The following PCDHB13 variants were observed in gnomAD, a reference collection of about 807,000 sequenced individuals.
PCDHB13 encodes the protein protocadherin beta 13.
For synonymous variants in PCDHB13, 515 were observed against 450.7 expected (o/e 1.14, Z -1.81); for missense variants, 1,065 against 1,016.7 (o/e 1.05, Z -0.65).
Position 141,215,347 on chromosome 5 carries a change from A to G in PCDHB13, c.1224A>G (p.Pro408=), listed in dbSNP as rs1449728658. 4 of 1,614,142 alleles carry G rather than the reference A, an allele frequency of 2.5e-6. No individual in the cohort carries two copies. In the South Asian group the frequency reaches 3.3e-5, roughly 13 times the overall value. ...TTTACACCCTACTAACGGAGAGACCACTAGACAGAGAAAGCAGAGCGGAAT... is the reference window on the plus strand; with the variant it reads ...TTTACACCCTACTAACGGAGAGACCGCTAGACAGAGAAAGCAGAGCGGAAT... ...ENFYTLLTER[P]LDRESRAEYN... The change falls in exon 1 of 1, where the codon CCA becomes CCG. Residue 408 remains proline (P), a synonymous_variant. Transcript: ENST00000341948.
chr5:141,215,064 A>C lies in PCDHB13; in HGVS notation c.941A>C (p.Gln314Pro). 1 of 1,614,210 alleles carries C rather than the reference A, an allele frequency of 6.2e-7. No homozygotes were observed. The highest frequency in any genetic ancestry group is 8.5e-7 in the Non-Finnish European group (1 of 1,180,026). ...LKKQLDFEKL[Q>P]SYEVNIEARD... Reference sequence around the variant, plus strand: ...AAACAACTCGATTTCGAAAAACTTCAGTCCTATGAAGTCAATATTGAGGCA... The same window carrying C: ...AAACAACTCGATTTCGAAAAACTTCCGTCCTATGAAGTCAATATTGAGGCA... Residue 314 changes from glutamine (Q) to proline (P), a missense_variant, in exon 1 of 1, where the codon CAG (glutamine) becomes CCG (proline). Coordinates refer to ENST00000341948, the MANE Select transcript of PCDHB13 (RefSeq NM_018933.4).
rs782659681 is a variant in PCDHB13 at position 141,215,375 on chromosome 5, A to C, written c.1252A>C (p.Asn418His). ...AGACAGAGAAAGCAGAGCGGAATAC[A>C]ACATCACTATCACTGTCACTGACTT... ...PLDRESRAEYNITITVTDLGT... is the reference protein window; with the variant it reads ...PLDRESRAEYHITITVTDLGT... Residue 418 changes from asparagine (N) to histidine (H), a missense_variant, in exon 1 of 1, where the codon AAC becomes CAC. By Grantham distance (68) the Asn-to-His change is moderately conservative. Coordinates refer to ENST00000341948, the MANE Select transcript of PCDHB13 (RefSeq NM_018933.4). 3 of 1,614,152 alleles carry C rather than the reference A, an allele frequency of 1.9e-6. No homozygotes were observed. The highest frequency in any genetic ancestry group is 1.7e-5 in the Admixed American group (1 of 60,022).
At position 141,216,154 on chromosome 5, in the gene PCDHB13, C is replaced by T. The variant is rs140970506; in HGVS notation, c.2031C>T (p.Ala677=). The T allele has an allele frequency of 3.7e-6, 6 of 1,611,710 alleles. No homozygotes were observed. The African/African-American group carries it at 4.0e-5, about 11-fold the overall frequency. ...SQPYLPLPEA[A]PTQAQADLLT... is the part of the protein sequence containing the mutation. ...CCTACCTGCCTCTCCCGGAGGCGGC[C>T]CCGACCCAGGCCCAGGCCGACTTGC... is the stretch of plus-strand genomic sequence containing the variant. Residue 677 remains alanine (A), a synonymous_variant, in exon 1 of 1, where the codon GCC becomes GCT. Transcript: ENST00000341948.
chr5:141,214,662 G>C lies in PCDHB13; in HGVS notation c.539G>C (p.Arg180Pro), dbSNP rs782277933. 8 of 1,613,958 alleles carry C rather than the reference G, an allele frequency of 5.0e-6. No individual in the cohort carries two copies. The Admixed American group carries it at 1.3e-4, about 27-fold the overall frequency. Reference protein sequence around the residue: ...NYIISPNSYFRVLTRKRSDGR... With the variant: ...NYIISPNSYFPVLTRKRSDGR... ...ATAATCAGCCCCAACTCCTATTTTC[G>C]GGTCCTCACCCGCAAACGCAGTGAT... The change falls in exon 1 of 1, where the codon CGG becomes CCG. Residue 180 changes from arginine to proline, a missense_variant. By Grantham distance (103) the Arg-to-Pro change is moderately radical. Transcript: ENST00000341948.
At position 141,214,834 on chromosome 5, in the gene PCDHB13, C is replaced by A; in HGVS notation, c.711C>A (p.Asn237Lys). 1 of 1,614,180 alleles carries A rather than the reference C, an allele frequency of 6.2e-7. No individual in the cohort carries two copies. Among genetic ancestry groups the A allele is most frequent in the Admixed American group, 1.7e-5 (1 of 60,028 alleles). Residue 237 changes from asparagine to lysine, a missense_variant, in exon 1 of 1, where the codon AAC (asparagine) becomes AAA (lysine). Physicochemically the swap from Asn to Lys is moderately conservative, Grantham distance 94 (BLOSUM62 0). Coordinates refer to ENST00000341948, the MANE Select transcript of PCDHB13 (RefSeq NM_018933.4). ...AQVYIEVLDV[N>K]DNAPEFEQPF... ...TCTACATCGAAGTCCTGGATGTCAA[C>A]GATAATGCCCCTGAATTTGAGCAGC...
rs781988943 is a variant in PCDHB13, at chr5:141,214,103, A to G, written c.-21A>G. Reference sequence around the variant, plus strand: ...AGTCCCACAGAACCGTCCTCCCAGGAAGCTGAATCCAGCAAGAACAATGGA... The same window carrying G: ...AGTCCCACAGAACCGTCCTCCCAGGGAGCTGAATCCAGCAAGAACAATGGA... On this transcript the variant is annotated 5_prime_UTR_variant, in exon 1 of 1. Transcript: ENST00000341948. 3.6e-5 allele frequency: 58 copies of G among 1,614,048 alleles called. No individual in the cohort carries two copies. The highest frequency in any genetic ancestry group is 4.7e-5 in the Non-Finnish European group (56 of 1,180,030).
In PCDHB13 at chr5:141,215,470, C is replaced by G. The variant is rs782142681; in HGVS notation, c.1347C>G (p.Pro449=). ...TCGCCGATGTCAATGACAACGCTCC[C>G]GCCTTCACCCAAACCTCCTACACCC... ...VLIADVNDNA[P]AFTQTSYTLF... Residue 449 remains proline, a synonymous_variant, in exon 1 of 1, where the codon CCC becomes CCG. Coordinates refer to ENST00000341948, the MANE Select transcript of PCDHB13 (RefSeq NM_018933.4). The G allele has an allele frequency of 1.4e-5, 22 of 1,614,182 alleles. No homozygotes were observed. The highest frequency in any genetic ancestry group is 1.4e-5 in the Non-Finnish European group (17 of 1,180,036).
rs1754653567 is a variant in PCDHB13 at position 141,218,035 on chromosome 5, C to T, written c.*1515C>T. ...TGTGATCTCCACTCACTGCAACCTCCACCTCCTGGGCTCAAGTGATCCTCC... is the reference window on the plus strand; with the variant it reads ...TGTGATCTCCACTCACTGCAACCTCTACCTCCTGGGCTCAAGTGATCCTCC... On this transcript the variant is annotated 3_prime_UTR_variant, in exon 1 of 1. Coordinates refer to ENST00000341948, the MANE Select transcript of PCDHB13 (RefSeq NM_018933.4). 1.9e-5 allele frequency: 3 copies of T among 158,208 alleles called. No homozygotes were observed. The Admixed American group carries it at 2.0e-4, about 10-fold the overall frequency. 9.8% of individuals were successfully genotyped at this position (158,208 alleles called of 1,614,324 possible). A position where few individuals can be genotyped will look rare whatever the true frequency, so the allele number is the denominator to read the frequency against.
Position 141,217,080 on chromosome 5 carries a change from A to G in PCDHB13, c.*560A>G, listed in dbSNP as rs1043669011. 1 of 176,962 alleles carries G rather than the reference A, an allele frequency of 5.7e-6. No homozygotes were observed. The highest frequency in any genetic ancestry group is 1.3e-5 in the Non-Finnish European group (1 of 75,598). 11.0% of individuals were successfully genotyped at this position (176,962 alleles called of 1,614,324 possible). A position where few individuals can be genotyped will look rare whatever the true frequency, so the allele number is the denominator to read the frequency against. On this transcript the variant is annotated 3_prime_UTR_variant, in exon 1 of 1. Transcript: ENST00000341948. ...AGGGTCAGAAGACCAGTTTTTTAGTATCCTTTCCTCATTCATCCTGGAGAG... is the reference window on the plus strand; with the variant it reads ...AGGGTCAGAAGACCAGTTTTTTAGTGTCCTTTCCTCATTCATCCTGGAGAG...
chr5:141,214,579 G>T lies in PCDHB13; in HGVS notation c.456G>T (p.Thr152=). The T allele has an allele frequency of 6.2e-7, 1 of 1,614,208 alleles. No homozygotes were observed. The highest frequency in any genetic ancestry group is 8.5e-7 in the Non-Finnish European group (1 of 1,180,044). Residue 152 remains threonine, a synonymous_variant, in exon 1 of 1, where the codon ACG becomes ACT. Transcript: ENST00000341948. ...KVSESSPPGT[T]FPLKNAEDLD... ...CAGAGAGCAGTCCTCCTGGGACTAC[G>T]TTTCCTCTGAAGAATGCCGAAGACT...
In PCDHB13 at chr5:141,215,310, C is replaced by G; in HGVS notation, c.1187C>G (p.Ser396Cys). The G allele has an allele frequency of 1.2e-6, 2 of 1,614,162 alleles. No homozygotes were observed. The highest frequency in any genetic ancestry group is 1.7e-6 in the Non-Finnish European group (2 of 1,180,044). Residue 396 changes from serine to cysteine, a missense_variant, in exon 1 of 1, where the codon TCC becomes TGC. Coordinates refer to ENST00000341948, the MANE Select transcript of PCDHB13 (RefSeq NM_018933.4). Reference protein sequence around the residue: ...IQEDLPFLLKSAENFYTLLTE... With the variant: ...IQEDLPFLLKCAENFYTLLTE... ...GAGGATCTACCCTTCCTCCTGAAAT[C>G]CGCGGAAAACTTTTACACCCTACTA...
chr5:141,215,554 C>CA lies in PCDHB13; in HGVS notation c.1432dup (p.Arg478LysfsTer238), dbSNP rs1438438200. ...ACATCCGCAGCGTCAGCGCTACAGA[C>CA]AGAGACTCAGGCACCAACGCCCAGG... On this transcript the variant is annotated frameshift_variant, in exon 1 of 1. Transcript: ENST00000341948. LOFTEE classifies it low-confidence loss of function (END_TRUNC). 1 of 1,613,650 alleles carries CA rather than the reference C, an allele frequency of 6.2e-7. No individual in the cohort carries two copies. Among genetic ancestry groups the CA allele is most frequent in the Non-Finnish European group, 8.5e-7 (1 of 1,179,982 alleles).
chr5:141,215,351 G>T lies in PCDHB13; in HGVS notation c.1228G>T (p.Asp410Tyr), dbSNP rs113434094. ...FYTLLTERPLDRESRAEYNIT... is the reference protein window; with the variant it reads ...FYTLLTERPLYRESRAEYNIT... ...CACCCTACTAACGGAGAGACCACTAGACAGAGAAAGCAGAGCGGAATACAA... is the reference window on the plus strand; with the variant it reads ...CACCCTACTAACGGAGAGACCACTATACAGAGAAAGCAGAGCGGAATACAA... The change falls in exon 1 of 1, where the codon GAC becomes TAC. Residue 410 changes from aspartate (D) to tyrosine (Y), a missense_variant. By Grantham distance (160) the Asp-to-Tyr change is radical. Coordinates refer to ENST00000341948, the MANE Select transcript of PCDHB13 (RefSeq NM_018933.4). 721 of 1,614,162 alleles carry T rather than the reference G, an allele frequency of 4.5e-4. 8 individuals are homozygous for T. In the African/African-American group the frequency reaches 8.3e-3, roughly 18 times the overall value.
rs202014860 is a variant in PCDHB13 at position 141,216,019 on chromosome 5, G to A, written c.1896G>A (p.Glu632=). 1 of 1,606,912 alleles carries A rather than the reference G, an allele frequency of 6.2e-7. No homozygotes were observed. The highest frequency in any genetic ancestry group is 1.3e-5 in the African/African-American group (1 of 74,870). ...TGCGCACCGCCAGGCTGCTGAGCGA[G>A]CGCGACGCGGCCAAGCACAGGCTGG... ...GEVRTARLLS[E]RDAAKHRLVV... Residue 632 remains glutamate, a synonymous_variant, in exon 1 of 1, where the codon GAG becomes GAA. Transcript: ENST00000341948.
Position 141,215,625 on chromosome 5 carries a change from C to T in PCDHB13, c.1502C>T (p.Thr501Ile), listed in dbSNP as rs782644850. ...LPPQDPHLPLTSLVSINADNG... is the reference protein window; with the variant it reads ...LPPQDPHLPLISLVSINADNG... ...CCCCAGGACCCGCACCTGCCCCTCA[C>T]ATCCCTGGTCTCCATCAACGCGGAC... The change falls in exon 1 of 1, where the codon ACA becomes ATA. Residue 501 changes from threonine (T) to isoleucine (I), a missense_variant. Thr to Ile is a moderately conservative substitution (Grantham distance 89). Transcript: ENST00000341948. The T allele has an allele frequency of 1.9e-6, 3 of 1,613,386 alleles. No individual in the cohort carries two copies. The highest frequency in any genetic ancestry group is 1.1e-5 in the South Asian group (1 of 91,046).
chr5:141,217,628 T>A lies in PCDHB13; in HGVS notation c.*1108T>A, dbSNP rs1754645842. ...AAAGATAGTCCCTTAGGGTTCTAATTTTAAAAAAATTTTCAAAGCATTGTA... is the reference window on the plus strand; with the variant it reads ...AAAGATAGTCCCTTAGGGTTCTAATATTAAAAAAATTTTCAAAGCATTGTA... On this transcript the variant is annotated 3_prime_UTR_variant, in exon 1 of 1. Transcript: ENST00000341948. 1 of 166,950 alleles carries A rather than the reference T, an allele frequency of 6.0e-6. No individual in the cohort carries two copies. The highest frequency in any genetic ancestry group is 2.4e-5 in the African/African-American group (1 of 41,372). 10.3% of individuals were successfully genotyped at this position (166,950 alleles called of 1,614,324 possible). A position where few individuals can be genotyped will look rare whatever the true frequency, so the allele number is the denominator to read the frequency against.
Position 141,215,979 on chromosome 5 carries a change from C to T in PCDHB13, c.1856C>T (p.Ala619Val), listed in dbSNP as rs782573875. The T allele has an allele frequency of 2.4e-5, 38 of 1,606,958 alleles. No homozygotes were observed. Among genetic ancestry groups the T allele is most frequent in the Non-Finnish European group, 1.4e-5 (17 of 1,179,558 alleles). ...GAGCTCGGTCTGTTCGGCGTGTGGG[C>T]GCACAATGGCGAGGTGCGCACCGCC... ...ATELGLFGVW[A>V]HNGEVRTARL... The change falls in exon 1 of 1, where the codon GCG becomes GTG. Residue 619 changes from alanine (A) to valine (V), a missense_variant. Physicochemically the swap from Ala to Val is moderately conservative, Grantham distance 64. Coordinates refer to ENST00000341948, the MANE Select transcript of PCDHB13 (RefSeq NM_018933.4).
chr5:141,217,196 C>A lies in PCDHB13; in HGVS notation c.*676C>A, dbSNP rs1040833900. ...TAATTAATGTCACAAAGCTCTAGTG[C>A]AATCTAGTTGAATGCAGATGCCTGT... On this transcript the variant is annotated 3_prime_UTR_variant, in exon 1 of 1. Coordinates refer to ENST00000341948, the MANE Select transcript of PCDHB13 (RefSeq NM_018933.4). The A allele has an allele frequency of 6.0e-6, 1 of 166,556 alleles. No homozygotes were observed. Among genetic ancestry groups the A allele is most frequent in the South Asian group, 2.1e-4 (1 of 4,834 alleles). 10.3% of individuals were successfully genotyped at this position (166,556 alleles called of 1,614,324 possible).
Position 141,215,854 on chromosome 5 carries a change from C to T in PCDHB13, c.1731C>T (p.Pro577=), listed in dbSNP as rs782648527. 1.3e-5 allele frequency: 21 copies of T among 1,607,982 alleles called. No individual in the cohort carries two copies. In the African/African-American group the frequency reaches 1.6e-4, roughly 12 times the overall value. Residue 577 remains proline, a synonymous_variant, in exon 1 of 1, where the codon CCC becomes CCT. Transcript: ENST00000341948. ...NGSAPCTELV[P]RAAEPGYLVT... ...CCGCGCCCTGCACCGAGCTGGTGCCCCGGGCGGCCGAGCCGGGCTACCTGG... is the reference window on the plus strand; with the variant it reads ...CCGCGCCCTGCACCGAGCTGGTGCCTCGGGCGGCCGAGCCGGGCTACCTGG...
Sources: gnomAD v4.1 joint callset for allele counts on GRCh38, gnomAD v4.1.1 for gene constraint, MANE v1.5 for transcripts, NCBI Gene and HGNC (gene_info 2026-07-23, HGNC 2026-07-21) for gene names.